HNF1B: variants seen among roughly 807,000 people sequenced by gnomAD.
HNF1B encodes the protein HNF1 homeobox B.
A neutral mutation model predicts 61.7 loss-of-function variants in HNF1B; 8 were observed. The ratio of observed to expected loss-of-function variants is 0.13; its 90% CI spans 0.08 to 0.23. The LOEUF (loss-of-function observed/expected upper bound fraction) is 0.23. Ranked by LOEUF, HNF1B falls within the 10% of genes least tolerant of loss-of-function variation. The pLI, the probability that HNF1B is intolerant of heterozygous loss-of-function variation, is 1.00. For synonymous variants in HNF1B, 314 were observed against 287.7 expected, an observed-to-expected ratio of 1.09 and a Z score of -0.93; for missense variants, 562 against 714.5, an observed-to-expected ratio of 0.79 and a Z score of 2.43.
intron 8 of HNF1B, among the ~76,000 whole-genome samples, chr17:37,691,094 T>C (rs1037159311): frequency 6.6e-6 from 1 of 151,798 alleles, no homozygotes; most frequent in African/African-American, 2.4e-5. Flanking sequence ...CAAACTCCCA[T>C]GGAAAAAAGG....
At chr17:37,694,166 G>A (rs1408894140) in intron 8 of HNF1B, among the ~76,000 whole-genome samples, 2 of 152,162 alleles carry the variant, frequency 1.3e-5, no homozygotes, top group African/African-American at 2.4e-5. Context: ...AGTGGCTCAC[G>A]CCTGTAATCC....
chr17:37,732,832 TG>T (rs1568664984), intron 3 of HNF1B, among the ~76,000 whole-genome samples: 2 of 126,156 alleles, frequency 1.6e-5, no homozygotes, highest in Non-Finnish European at 3.4e-5. Context: ...AACACAGAGT[TG>T]TTTTTTTGTT....
intron 4 of HNF1B, among the ~76,000 whole-genome samples, chr17:37,715,575 C>T (rs988192261): frequency 1.3e-5 from 2 of 152,162 alleles, no homozygotes; most frequent in Non-Finnish European, 1.5e-5. Context: ...TGTACATATG[C>T]GCACCTCAAA....
chr17:37,695,101 AG>A (rs1440122673), intron 8 of HNF1B, among the ~76,000 whole-genome samples: 1 of 152,210 alleles, frequency 6.6e-6, no homozygotes, highest in Admixed American at 6.5e-5. Context: ...CTCCCACTAG[AG>A]GCCCAGAGGC....
chr17:37,712,063 T>C (rs1409235266), intron 4 of HNF1B, among the ~76,000 whole-genome samples: 1 of 152,226 alleles, frequency 6.6e-6, no homozygotes, highest in African/African-American at 2.4e-5. Context: ...CCAAGGCCGA[T>C]ATGACCTAGA....
chr17:37,713,494 T>C (rs543253236), intron 4 of HNF1B, among the ~76,000 whole-genome samples: 3 of 152,338 alleles, frequency 2.0e-5, no homozygotes, highest in East Asian at 3.9e-4. Flanking sequence ...TACTTTGTTT[T>C]CTCCCCAACA....
Position 37,703,502 on chromosome 17 carries a change from C to A in HNF1B, c.1339+1415G>T, listed in dbSNP as rs1450742622. On this transcript the variant is annotated intron_variant, in intron 6 of 8. Coordinates refer to ENST00000617811, the MANE Select transcript of HNF1B (RefSeq NM_000458.4). ...GACAGTTTGTTTATTATTTTGGTTG[C>A]AGAAATAAGTGGAATATCTTCCCCA... Among the ~76,000 whole-genome samples, 4 of 151,968 alleles carry A rather than the reference C, an allele frequency of 2.6e-5. No homozygotes were observed. In the East Asian group the frequency reaches 7.7e-4, roughly 29 times the overall value.
chr17:37,713,001 G>A (rs893944010), intron 4 of HNF1B, among the ~76,000 whole-genome samples: 9 of 152,322 alleles, frequency 5.9e-5, no homozygotes, highest in African/African-American at 2.2e-4. Flanking sequence ...TACCCTGGCA[G>A]AACCACTGAT....
intron 2 of HNF1B, among the ~76,000 whole-genome samples, chr17:37,735,876 A>C (rs1451419203): frequency 3.9e-5 from 6 of 152,252 alleles, no homozygotes; most frequent in African/African-American, 1.4e-4. Context: ...CTCTCGCCTT[A>C]GCCTCCCAAG....
intron 1 of HNF1B, among the ~76,000 whole-genome samples, chr17:37,743,689 C>CA (rs2034072950): frequency 6.6e-6 from 1 of 152,242 alleles, no homozygotes. Flanking sequence ...AACCAGCTGT[C>CA]AAAGTCTAGG....
intron 6 of HNF1B, among the ~76,000 whole-genome samples, chr17:37,702,478 C>T (rs1368472513): frequency 6.6e-6 from 1 of 152,162 alleles, no homozygotes; most frequent in African/African-American, 2.4e-5. Context: ...CCAGGGGGCT[C>T]AGCGTCTCCT....
chr17:37,690,839 G>A (rs1034858970), intron 8 of HNF1B, among the ~76,000 whole-genome samples: 3 of 152,228 alleles, frequency 2.0e-5, no homozygotes, highest in African/African-American at 7.2e-5. Context: ...AAGCAGCACT[G>A]GATCTGTGAG....
At chr17:37,711,027 G>A (rs2032919198) in intron 4 of HNF1B, among the ~76,000 whole-genome samples, 2 of 152,260 alleles carry the variant, frequency 1.3e-5, no homozygotes. Flanking sequence ...TTTGGGGGTT[G>A]AGACTAGCCT....
At chr17:37,722,680 C>T (rs531287662) in intron 4 of HNF1B, among the ~76,000 whole-genome samples, 4 of 152,166 alleles carry the variant, frequency 2.6e-5, no homozygotes, top group African/African-American at 9.7e-5. Flanking sequence ...TTGGAAGCAT[C>T]GAGTCCCCCC....
chr17:37,735,748 C>T (rs555912694), intron 2 of HNF1B, among the ~76,000 whole-genome samples: 6 of 152,204 alleles, frequency 3.9e-5, no homozygotes, highest in African/African-American at 1.4e-4. Flanking sequence ...GGCCCAAATT[C>T]CTTTGGGGGT....
intron 8 of HNF1B, among the ~76,000 whole-genome samples, chr17:37,693,076 G>A (rs1194202433): frequency 6.6e-6 from 1 of 151,120 alleles, no homozygotes; most frequent in East Asian, 2.0e-4. Context: ...TGTAGTTCCA[G>A]TTACTTGGGA....
chr17:37,688,380 A>AAC (rs5820230), intron 8 of HNF1B, among the ~76,000 whole-genome samples: 11,194 of 136,012 alleles, frequency 0.082, 519 homozygotes, highest in African/African-American at 0.13. Flanking sequence ...GATCCCCCCA[A>AAC]ACACACACAC....
At chr17:37,741,833 A>G (rs1568672676) in intron 1 of HNF1B, among the ~76,000 whole-genome samples, 2 of 152,156 alleles carry the variant, frequency 1.3e-5, no homozygotes, top group Non-Finnish European at 2.9e-5. Context: ...ACAATTGGGG[A>G]GGGTTTAAAA....
At chr17:37,702,481 C>G (rs779716126) in intron 6 of HNF1B, among the ~76,000 whole-genome samples, 1 of 152,150 alleles carries the variant, frequency 6.6e-6, no homozygotes, top group African/African-American at 2.4e-5. Context: ...GGGGGCTCAG[C>G]GTCTCCTCAA....
Sources: allele counts gnomAD v4.1 joint callset (sites outside exome capture counted in the v4.1 genomes callset), GRCh38; gene constraint gnomAD v4.1.1; transcripts MANE v1.5; gene names NCBI Gene and HGNC (gene_info 2026-07-23, HGNC 2026-07-21).